AK9: variants seen among roughly 807,000 people sequenced by gnomAD.
The protein encoded by AK9 is adenylate kinase 9.
In AK9, 191 loss-of-function variants were observed where a neutral mutation model predicts 239.6. That is an observed-to-expected ratio of 0.80 (90% CI 0.71 to 0.90). AK9 has a LOEUF of 0.90. AK9 is among the 40% of genes least tolerant of loss of function. The probability of loss-of-function intolerance (pLI) is 0.00; values close to 1 mark genes in which losing one functional copy is unlikely to be tolerated. For missense variants in AK9, 1,995 were observed against 2,214.7 expected (o/e 0.90, Z 1.99); for synonymous variants, 689 against 721.0 (o/e 0.96, Z 0.71).
At chr6:109,632,287 T>C (rs1796166041) in intron 12 of AK9, 1 of 985,602 alleles carries the variant, frequency 1.0e-6, no homozygotes, top group Non-Finnish European at 1.2e-6. Context: ...TCTTTAGCCA[T>C]GATCTTGTGC....
At chr6:109,656,332 A>C (rs1349908518) in intron 8 of AK9, among the ~76,000 whole-genome samples, 2 of 152,248 alleles carry the variant, frequency 1.3e-5, no homozygotes, top group African/African-American at 4.8e-5. Context: ...TAGACCAATC[A>C]GTGTAACAAA....
intron 25 of AK9, 64 bp from the exon 26 acceptor site, chr6:109,546,191 A>T: frequency 1.4e-6 from 2 of 1,445,114 alleles, no homozygotes; most frequent in Non-Finnish European, 1.9e-6. Flanking sequence ...AGCAGTTTTG[A>T]GTAATTTAGA....
intron 29 of AK9, 132 bp from the exon 30 acceptor site, chr6:109,516,774 C>T (rs969542648): frequency 1.2e-5 from 9 of 759,404 alleles, no homozygotes; most frequent in Admixed American, 1.1e-4. Context: ...CATCTAGTAA[C>T]GCAATAAGGT....
intron 7 of AK9, among the ~76,000 whole-genome samples, chr6:109,658,368 TAG>T (rs1799977913): frequency 6.6e-6 from 1 of 152,144 alleles, no homozygotes; most frequent in South Asian, 2.1e-4. Flanking sequence ...CCCTGCTGCA[TAG>T]AGTTTTCATT....
chr6:109,650,164 C>G (rs1368453039), intron 8 of AK9, among the ~76,000 whole-genome samples: 1 of 152,096 alleles, frequency 6.6e-6, no homozygotes, highest in Non-Finnish European at 1.5e-5. Context: ...CCATTCAGGA[C>G]AGAGGCATGG....
chr6:109,597,076 GT>G (rs201148898), intron 17 of AK9, among the ~76,000 whole-genome samples: 22 of 150,622 alleles, frequency 1.5e-4, no homozygotes, highest in South Asian at 8.4e-4. Context: ...CTAACATTGT[GT>G]TTTTTTTTAC....
intron 25 of AK9, among the ~76,000 whole-genome samples, chr6:109,547,772 A>G (rs925525531): frequency 2.0e-5 from 3 of 151,830 alleles, no homozygotes; most frequent in Non-Finnish European, 4.4e-5. Flanking sequence ...AGAATAGGAG[A>G]TAAGATTTGC....
At chr6:109,672,301 A>G (rs1771036403) in intron 3 of AK9, 134 bp from the exon 4 acceptor site, 1 of 796,152 alleles carries the variant, frequency 1.3e-6, no homozygotes, top group African/African-American at 1.7e-5. Context: ...ATGCAAATGT[A>G]TGCATATTAC....
intron 15 of AK9, among the ~76,000 whole-genome samples, chr6:109,612,424 G>A (rs1381915663): frequency 1.3e-5 from 2 of 152,104 alleles, no homozygotes; most frequent in Non-Finnish European, 2.9e-5. Flanking sequence ...GCAGAAGAAT[G>A]CCTTCTTACC....
intron 13 of AK9, among the ~76,000 whole-genome samples, chr6:109,615,113 T>G (rs1422885358): frequency 6.6e-6 from 1 of 152,188 alleles, no homozygotes; most frequent in Non-Finnish European, 1.5e-5. Flanking sequence ...GGAGCCCGGC[T>G]AACTTCCTGC....
In AK9 at chr6:109,599,693, C is replaced by G. The variant is rs1451940406; in HGVS notation, c.1842+10672G>C. 3.9e-5 allele frequency among the ~76,000 whole-genome samples: 6 copies of G among 152,268 alleles called. No individual in the cohort carries two copies. In the South Asian group the frequency reaches 1.2e-3, roughly 32 times the overall value. ...TATGGCCATTTTCACGATATTGATT[C>G]TTCCTATCCATGAGCATGGAATGTT... On this transcript the variant is annotated intron_variant, in intron 17 of 40. Transcript: ENST00000424296.
At chr6:109,551,621 A>C (rs1475021361) in intron 24 of AK9, among the ~76,000 whole-genome samples, 2 of 152,014 alleles carry the variant, frequency 1.3e-5, no homozygotes, top group African/African-American at 4.8e-5. Context: ...ATGAAGGTGT[A>C]TGTAAGAAAT....
intron 28 of AK9, among the ~76,000 whole-genome samples, chr6:109,532,120 C>G (rs1286491383): frequency 6.6e-6 from 1 of 152,190 alleles, no homozygotes; most frequent in Non-Finnish European, 1.5e-5. Flanking sequence ...TAATTTAAGT[C>G]TTAGTATCTC....
chr6:109,508,419 A>G (rs1314273367), intron 33 of AK9, among the ~76,000 whole-genome samples: 1 of 152,140 alleles, frequency 6.6e-6, no homozygotes, highest in Non-Finnish European at 1.5e-5. Context: ...AACACCAGGG[A>G]GGAGGTAATT....
intron 26 of AK9, among the ~76,000 whole-genome samples, chr6:109,545,198 G>A (rs1783389347): frequency 6.6e-6 from 1 of 152,124 alleles, no homozygotes; most frequent in Admixed American, 6.6e-5. Context: ...CCAGCACTTT[G>A]GGAGGTCAAG....
intron 8 of AK9, among the ~76,000 whole-genome samples, chr6:109,653,724 G>GT (rs1799308521): frequency 6.8e-6 from 1 of 146,792 alleles, no homozygotes; most frequent in East Asian, 2.0e-4. Context: ...GTTTCACCAT[G>GT]TTTTTTGCCA....
chr6:109,685,624 C>T (rs1336474772), intron 1 of AK9, among the ~76,000 whole-genome samples: 3 of 151,932 alleles, frequency 2.0e-5, no homozygotes, highest in East Asian at 1.9e-4. Flanking sequence ...AAATACCTAA[C>T]GTAGGTGATG....
chr6:109,625,396 T>G (rs9386826), intron 12 of AK9, among the ~76,000 whole-genome samples: 88,552 of 152,028 alleles, frequency 0.58, 27,475 homozygotes, highest in South Asian at 0.84. Flanking sequence ...TTTTATTCTA[T>G]TTAACATATC....
At position 109,563,595 on chromosome 6, in the gene AK9, GCCTCTT is replaced by G. The variant is rs538809060; in HGVS notation, c.2747_2751+1del. The G allele has an allele frequency of 8.4e-5, 130 of 1,549,920 alleles. No homozygotes were observed. Among genetic ancestry groups the G allele is most frequent in the South Asian group, 4.4e-4 (37 of 83,794 alleles). On this transcript the variant is annotated splice_donor_variant and coding_sequence_variant, in exon 24 of 41. Transcript: ENST00000424296. LOFTEE classifies it high-confidence loss of function. ...GAATGAGTAGAAATAAAAGAATCAT[GCCTCTT>G]CCTCTTCCTCTTCCTCTAGCTCCTC...
Sources: allele counts gnomAD v4.1 joint callset (sites outside exome capture counted in the v4.1 genomes callset), GRCh38; gene constraint gnomAD v4.1.1; transcripts MANE v1.5; gene names NCBI Gene and HGNC (gene_info 2026-07-23, HGNC 2026-07-21).